KDM1B: variants seen among roughly 807,000 people sequenced by gnomAD.
The protein encoded by KDM1B is lysine-specific histone demethylase 2.
In KDM1B, 63 loss-of-function variants were observed where a neutral mutation model predicts 107.4. The ratio of observed to expected loss-of-function variants is 0.59; its 90% confidence interval spans 0.48 to 0.72. The LOEUF is 0.72. Among genes scored for constraint, KDM1B ranks in the 30% least tolerant of loss-of-function variants. The pLI, the probability that KDM1B is intolerant of heterozygous loss-of-function variation, is 0.00. For synonymous variants in KDM1B, 363 were observed against 363.9 expected, an observed-to-expected ratio of 1.00 and a Z score of 0.03; for missense variants, 749 against 1,020.8, an observed-to-expected ratio of 0.73 and a Z score of 3.63.
intron 2 of KDM1B, among the ~76,000 whole-genome samples, chr6:18,157,592 A>G (rs1194079238): frequency 6.6e-6 from 1 of 151,984 alleles, no homozygotes; most frequent in Non-Finnish European, 1.5e-5. Context: ...TACATATACT[A>G]TACATTTACA....
chr6:18,197,753 G>A lies in KDM1B; in HGVS notation c.1221+92G>A. On this transcript the variant is annotated intron_variant, in intron 12 of 21. Transcript: ENST00000650836. This position sits in a 1 kb window ranked among gnomAD's most constrained non-coding sequence, Gnocchi z 4.5. ...ATTTAGAAACCAGTTCCTATTTTTA[G>A]TGAAGAATACTAAATACATTATATG... 2 of 809,380 alleles carry A rather than the reference G, an allele frequency of 2.5e-6. No individual in the cohort carries two copies. Among genetic ancestry groups the A allele is most frequent in the Non-Finnish European group, 4.1e-6 (2 of 493,690 alleles). 50.1% of individuals were successfully genotyped at this position (809,380 alleles called of 1,614,324 possible).
At position 18,162,703 on chromosome 6, in the gene KDM1B, C is replaced by G; in HGVS notation, c.216-132C>G. The G allele has an allele frequency of 1.6e-6, 1 of 618,248 alleles. No individual in the cohort carries two copies. The highest frequency in any genetic ancestry group is 2.9e-6 in the Non-Finnish European group (1 of 340,450). 38.3% of individuals were successfully genotyped at this position (618,248 alleles called of 1,614,324 possible). On this transcript the variant is annotated intron_variant, in intron 4 of 21. Transcript: ENST00000650836. This position sits in a 1 kb window ranked among gnomAD's most constrained non-coding sequence, Gnocchi z 4.1. Reference sequence around the variant, plus strand: ...TCTACTAGTAATCCATTCCTGTTTCCCCTGTCCTTAAGGGGCTAAGTGGAG... The same window carrying G: ...TCTACTAGTAATCCATTCCTGTTTCGCCTGTCCTTAAGGGGCTAAGTGGAG...
intron 6 of KDM1B, among the ~76,000 whole-genome samples, chr6:18,170,323 T>A (rs1785572281): frequency 6.6e-6 from 1 of 152,216 alleles, no homozygotes; most frequent in Non-Finnish European, 1.5e-5. Flanking sequence ...AGTAAGAAAT[T>A]AACTTTGGCA....
At position 18,201,072 on chromosome 6, in the gene KDM1B, C is replaced by A. The variant is rs1787997091; in HGVS notation, c.1360-414C>A. 6.6e-6 allele frequency among the ~76,000 whole-genome samples: 1 copy of A among 152,140 alleles called. No homozygotes were observed. The highest frequency in any genetic ancestry group is 1.5e-5 in the Non-Finnish European group (1 of 68,040). On this transcript the variant is annotated intron_variant, in intron 13 of 21. Transcript: ENST00000650836. This position sits in a 1 kb window ranked among gnomAD's most constrained non-coding sequence, Gnocchi z 4.3. ...AGAGTTTATTTGAAGAGTTGGTAGG[C>A]CCAAGACTTTTTCTGAAATGTTTAT...
rs927290113 is a variant in KDM1B, at chr6:18,211,051, G to A, written c.1867-1437G>A. ...TATTTATTTTCTTGCAATTTAATTG[G>A]ATAGTAATTGGTTTTTTGTTGTGGT... On this transcript the variant is annotated intron_variant, in intron 17 of 21. Coordinates refer to ENST00000650836, the MANE Select transcript of KDM1B (RefSeq NM_001364614.2). This position sits in a 1 kb window ranked among gnomAD's most constrained non-coding sequence, Gnocchi z 5.2. 2.6e-5 allele frequency among the ~76,000 whole-genome samples: 4 copies of A among 152,088 alleles called. No individual in the cohort carries two copies. Among genetic ancestry groups the A allele is most frequent in the Non-Finnish European group, 5.9e-5 (4 of 68,016 alleles).
chr6:18,158,806 C>CTTTGGTTAAATATAGACATGG (rs1366797932), intron 2 of KDM1B, among the ~76,000 whole-genome samples: 15 of 152,034 alleles, frequency 9.9e-5, no homozygotes, highest in African/African-American at 3.6e-4. Context: ...GACTTTGGTT[C>CTTTGGTTAAATATAGACATGG]TTAATATATG....
rs1012522226 is a variant in KDM1B at position 18,185,884 on chromosome 6, A to G, written c.573+74A>G. The G allele has an allele frequency of 5.9e-6, 8 of 1,350,326 alleles. No individual in the cohort carries two copies. The African/African-American group carries it at 1.2e-4, about 20-fold the overall frequency. 83.6% of individuals were successfully genotyped at this position (1,350,326 alleles called of 1,614,324 possible). Reference sequence around the variant, plus strand: ...ATAAGTGTTACAAGGAAATGATAGTAACAGCTTCATGAATTTCTTTCTCTT... The same window carrying G: ...ATAAGTGTTACAAGGAAATGATAGTGACAGCTTCATGAATTTCTTTCTCTT... On this transcript the variant is annotated intron_variant, in intron 8 of 21. Transcript: ENST00000650836.
chr6:18,187,604 TATC>T (rs987444692), intron 8 of KDM1B, among the ~76,000 whole-genome samples, 185 bp from the exon 9 acceptor site: 11 of 152,300 alleles, frequency 7.2e-5, no homozygotes, highest in Admixed American at 5.2e-4. Flanking sequence ...TGCCAGGTGT[TATC>T]AGCCCATTTT....
intron 21 of KDM1B, among the ~76,000 whole-genome samples, chr6:18,221,128 T>TC (rs1323192808): frequency 6.6e-6 from 1 of 152,036 alleles, no homozygotes; most frequent in African/African-American, 2.4e-5. Context: ...ATGTAATCAC[T>TC]CCCCCATTCA....
At chr6:18,156,452 C>T (rs1784615026) in intron 2 of KDM1B, among the ~76,000 whole-genome samples, 1 of 152,120 alleles carries the variant, frequency 6.6e-6, no homozygotes, top group South Asian at 2.1e-4. Context: ...TAACTCAAGG[C>T]TTTGACCAGT....
rs1311996525 is a variant in KDM1B at position 18,161,321 on chromosome 6, C to T, written c.88-6C>T. 9.9e-6 allele frequency: 16 copies of T among 1,613,348 alleles called. No individual in the cohort carries two copies. Among genetic ancestry groups the T allele is most frequent in the Non-Finnish European group, 1.4e-5 (16 of 1,179,750 alleles). On this transcript the variant is annotated splice_region_variant and splice_polypyrimidine_tract_variant and intron_variant, in intron 3 of 21. Coordinates refer to ENST00000650836, the MANE Select transcript of KDM1B (RefSeq NM_001364614.2). ...GAAATTTTAACATCAGCTGTGACTC[C>T]CTTAGGCGAAGAAGAAAGCAACAGA...
In KDM1B at chr6:18,162,950, T is replaced by C. The variant is rs771087695; in HGVS notation, c.305+26T>C. On this transcript the variant is annotated intron_variant, in intron 5 of 21. Transcript: ENST00000650836. The surrounding 1 kb of genome is among the most constrained non-coding windows in gnomAD (Gnocchi z 4.1). ...GTATGTTCACTAATTGTGTGAGGTT[T>C]CCCTGGAGAAGGGGACCGTGGCAGG... The C allele has an allele frequency of 6.2e-6, 9 of 1,452,328 alleles. No homozygotes were observed. The African/African-American group carries it at 1.3e-4, about 20-fold the overall frequency. The allele number at this position is 1,452,328 out of a possible 1,614,324, so 90.0% of individuals were successfully genotyped here.
At position 18,200,704 on chromosome 6, in the gene KDM1B, A is replaced by T; in HGVS notation, c.1359+128A>T. ...AGCCCCCTCATCTCCTATGCAAAGC[A>T]GTAAGAATTACACTTCTGCCTTTCT... On this transcript the variant is annotated intron_variant, in intron 13 of 21. Coordinates refer to ENST00000650836, the MANE Select transcript of KDM1B (RefSeq NM_001364614.2). This position sits in a 1 kb window ranked among gnomAD's most constrained non-coding sequence, Gnocchi z 4.3. The T allele has an allele frequency of 2.9e-6, 2 of 696,632 alleles. No individual in the cohort carries two copies. The highest frequency in any genetic ancestry group is 4.4e-6 in the Non-Finnish European group (2 of 455,088). The allele number at this position is 696,632 out of a possible 1,614,324, so 43.2% of individuals were successfully genotyped here.
In KDM1B at chr6:18,194,653, T is replaced by A. The variant is rs183074630; in HGVS notation, c.970-2404T>A. On this transcript the variant is annotated intron_variant, in intron 10 of 21. Coordinates refer to ENST00000650836, the MANE Select transcript of KDM1B (RefSeq NM_001364614.2). ...AATACACATAACATAAAATTTACCA[T>A]ATTTTTTTCCTTCTTATTTTTTTTA... is the stretch of plus-strand genomic sequence containing the variant. 9.2e-5 allele frequency among the ~76,000 whole-genome samples: 14 copies of A among 152,208 alleles called. 1 individual carries two copies. The East Asian group carries it at 2.7e-3, about 29-fold the overall frequency.
At chr6:18,161,557 C>A in intron 4 of KDM1B, 103 bp downstream of exon 4, 1 of 1,233,026 alleles carries the variant, frequency 8.1e-7, no homozygotes, top group Non-Finnish European at 1.1e-6. Context: ...GATACAGATA[C>A]TATAAGTCAT....
chr6:18,209,987 T>C lies in KDM1B; in HGVS notation c.1866+1781T>C, dbSNP rs1345194296. ...GGTGTCCAGGACAGCAAGCTGGTTT[T>C]AACTCCCCTGCTTTGTTACTCTCTG... On this transcript the variant is annotated intron_variant, in intron 17 of 21. Transcript: ENST00000650836. The surrounding 1 kb of genome is among the most constrained non-coding windows in gnomAD (Gnocchi z 4.3). Among the ~76,000 whole-genome samples the C allele has an allele frequency of 6.6e-6, 1 of 152,202 alleles. No homozygotes were observed. Among genetic ancestry groups the C allele is most frequent in the Non-Finnish European group, 1.5e-5 (1 of 68,024 alleles).
chr6:18,208,251 C>A, intron 17 of KDM1B, 45 bp downstream of exon 17: 1 of 1,419,194 alleles, frequency 7.0e-7, no homozygotes, highest in Admixed American at 2.0e-5. Context: ...CCTTTGCTGC[C>A]AGGGGCTTGG....
intron 6 of KDM1B, among the ~76,000 whole-genome samples, chr6:18,167,689 G>A (rs1785396259): frequency 6.6e-6 from 1 of 151,960 alleles, no homozygotes; most frequent in South Asian, 2.1e-4. Flanking sequence ...GCCCAGGCTG[G>A]TCTTAAATTC....
chr6:18,188,639 A>C (rs1388279455), intron 9 of KDM1B, among the ~76,000 whole-genome samples: 2 of 151,974 alleles, frequency 1.3e-5, no homozygotes. Flanking sequence ...TTTGAGATGG[A>C]GTCTCACTCT....
Sources: allele counts gnomAD v4.1 joint callset (sites outside exome capture counted in the v4.1 genomes callset), GRCh38; gene constraint gnomAD v4.1.1; non-coding constraint Gnocchi (gnomAD v3.1); transcripts MANE v1.5; gene names NCBI Gene and HGNC (gene_info 2026-07-23, HGNC 2026-07-21).